Variants in CA10 observed in about 807,000 individuals in gnomAD.
CA10 encodes carbonic anhydrase 10 (inactive).
CA10 carries 14 observed loss-of-function variants against 44.2 expected under a neutral mutation model. The observed-to-expected ratio is 0.32, with a 90% CI of 0.21 to 0.50. CA10 has a LOEUF of 0.50. CA10 is among the 20% of genes least tolerant of loss of function. The pLI is 0.99. For synonymous variants in CA10, 159 were observed against 141.6 expected (o/e 1.12, Z -0.87); for missense variants, 350 against 409.7 (o/e 0.85, Z 1.26).
chr17:52,091,447 G>A (rs1988263452), intron 1 of CA10, among the ~76,000 whole-genome samples: 1 of 152,102 alleles, frequency 6.6e-6, no homozygotes, highest in African/African-American at 2.4e-5. Flanking sequence ...CAGTGGTATA[G>A]ATGGGAGCAA....
intron 3 of CA10, among the ~76,000 whole-genome samples, chr17:51,788,397 G>A (rs367732382): frequency 6.6e-6 from 1 of 152,154 alleles, no homozygotes. Context: ...TGGTCCAAGT[G>A]CTGAGGAAAC....
chr17:51,945,691 AG>A (rs994685999), intron 2 of CA10, among the ~76,000 whole-genome samples: 5 of 152,078 alleles, frequency 3.3e-5, no homozygotes, highest in African/African-American at 1.2e-4. Flanking sequence ...CAAAATGTTG[AG>A]GTGGGCTAAA....
At chr17:51,715,745 C>T (rs931834310) in intron 4 of CA10, among the ~76,000 whole-genome samples, 1 of 152,006 alleles carries the variant, frequency 6.6e-6, no homozygotes, top group Non-Finnish European at 1.5e-5. Context: ...GGCTGGAGTA[C>T]ACTGGCTCAA....
chr17:51,738,813 T>TAAA (rs1904342012), intron 4 of CA10, among the ~76,000 whole-genome samples: 3 of 152,138 alleles, frequency 2.0e-5, no homozygotes, highest in Non-Finnish European at 4.4e-5. Flanking sequence ...CCTAAGAAGG[T>TAAA]TTTTTGAATC....
At chr17:52,095,744 G>A (rs1441316035) in intron 1 of CA10, among the ~76,000 whole-genome samples, 1 of 152,032 alleles carries the variant, frequency 6.6e-6, no homozygotes, top group Admixed American at 6.6e-5. Flanking sequence ...CTGGGTTTTG[G>A]TATATTTACT....
chr17:51,672,540 C>T (rs985388822), intron 4 of CA10, among the ~76,000 whole-genome samples: 7 of 152,166 alleles, frequency 4.6e-5, no homozygotes, highest in Admixed American at 2.0e-4. Flanking sequence ...GGTGGGGGGC[C>T]GGGGGACCAA....
intron 3 of CA10, among the ~76,000 whole-genome samples, chr17:51,896,486 T>A (rs1981073490): frequency 6.6e-6 from 1 of 152,158 alleles, no homozygotes. Flanking sequence ...AGTCTAATGT[T>A]GATGGACATT....
chr17:52,126,603 A>G (rs1447222738), intron 1 of CA10, among the ~76,000 whole-genome samples: 1 of 152,174 alleles, frequency 6.6e-6, no homozygotes, highest in Non-Finnish European at 1.5e-5. Context: ...CTAAATATAA[A>G]TTTTAAATGG....
chr17:51,915,420 GT>G (rs1197971857), intron 3 of CA10, among the ~76,000 whole-genome samples: 2 of 152,156 alleles, frequency 1.3e-5, no homozygotes, highest in Non-Finnish European at 2.9e-5. Flanking sequence ...TCTATTAAAA[GT>G]CAAATTAAAG....
At chr17:51,667,651 T>C (rs1170867076) in intron 4 of CA10, among the ~76,000 whole-genome samples, 1 of 152,120 alleles carries the variant, frequency 6.6e-6, no homozygotes, top group African/African-American at 2.4e-5. Context: ...CTGTGCAGGA[T>C]GCAGCTGATT....
chr17:51,948,277 C>T (rs1181412261), intron 2 of CA10, among the ~76,000 whole-genome samples: 3 of 152,120 alleles, frequency 2.0e-5, no homozygotes, highest in Non-Finnish European at 4.4e-5. Context: ...CAGGCTCTGC[C>T]CATAGGAAAT....
At chr17:51,893,397 T>C (rs760944294) in intron 3 of CA10, among the ~76,000 whole-genome samples, 6 of 152,194 alleles carry the variant, frequency 3.9e-5, no homozygotes, top group Non-Finnish European at 5.9e-5. Context: ...TTTTGAGTGA[T>C]GACTGTAAAA....
chr17:51,769,201 A>G (rs1905503377), intron 3 of CA10, among the ~76,000 whole-genome samples: 1 of 152,166 alleles, frequency 6.6e-6, no homozygotes, highest in Non-Finnish European at 1.5e-5. Context: ...ACACCCCAGG[A>G]TCCATGGCAA....
chr17:52,123,333 G>C (rs562684354), intron 1 of CA10, among the ~76,000 whole-genome samples: 2 of 147,710 alleles, frequency 1.4e-5, no homozygotes, highest in Non-Finnish European at 3.0e-5. Flanking sequence ...ATATATGTGT[G>C]TGTGTGTGTG....
At chr17:52,147,598 C>A (rs1355005084) in intron 1 of CA10, among the ~76,000 whole-genome samples, 3 of 151,310 alleles carry the variant, frequency 2.0e-5, no homozygotes, top group African/African-American at 4.8e-5. Flanking sequence ...CCACAAGGAA[C>A]TTCACCACAG....
At chr17:52,073,414 T>A (rs895327321) in intron 1 of CA10, among the ~76,000 whole-genome samples, 2 of 152,270 alleles carry the variant, frequency 1.3e-5, no homozygotes, top group Admixed American at 1.3e-4. Flanking sequence ...AGTCTCTTCT[T>A]ATAGTATAGT....
chr17:51,836,910 A>G (rs1218665304), intron 3 of CA10, among the ~76,000 whole-genome samples: 1 of 152,144 alleles, frequency 6.6e-6, no homozygotes, highest in African/African-American at 2.4e-5. Flanking sequence ...CTTAGTGTAT[A>G]TACTTACCTC....
chr17:52,131,497 G>A (rs1343521324), intron 1 of CA10, among the ~76,000 whole-genome samples: 2 of 152,100 alleles, frequency 1.3e-5, no homozygotes, highest in African/African-American at 4.8e-5. Flanking sequence ...AAGTATTTTT[G>A]CCTAACATGT....
chr17:51,754,434 TA>T (rs1905014809), intron 3 of CA10, among the ~76,000 whole-genome samples: 1 of 107,376 alleles, frequency 9.3e-6, no homozygotes, highest in Non-Finnish European at 1.9e-5. Context: ...TATATATATA[TA>T]TATATATATA....
Sources: gnomAD v4.1 joint callset for allele counts (sites outside exome capture counted in the v4.1 genomes callset) on GRCh38, gnomAD v4.1.1 for gene constraint, MANE v1.5 for transcripts, NCBI Gene and HGNC (gene_info 2026-07-23, HGNC 2026-07-21) for gene names.